Variants in TBC1D2B observed in about 807,000 individuals in gnomAD.
The protein encoded by TBC1D2B is TBC1 domain family, member 2B.
In TBC1D2B, 64 loss-of-function variants were observed where a neutral mutation model predicts 100.8. The observed-to-expected ratio is 0.64, with a 90% CI of 0.52 to 0.78. The LOEUF (loss-of-function observed/expected upper bound fraction) is 0.78, where lower values mean the gene tolerates loss of function less well. Ranked by LOEUF, TBC1D2B falls within the 30% of genes least tolerant of loss-of-function variation. The pLI is 0.00. For missense variants in TBC1D2B, 1,052 were observed against 1,218.4 expected (o/e 0.86, Z 2.03); for synonymous variants, 480 against 479.7 (o/e 1.00, Z -0.01).
At position 78,050,232 on chromosome 15, in the gene TBC1D2B, A is replaced by T. The variant is rs190951383; in HGVS notation, c.514+3802T>A. ...CCATCCCCTTGCACACAAGCTGTTA[A>T]AAGTGTAACAGTTCAACTAACCAAT... On this transcript the variant is annotated intron_variant, in intron 2 of 12. Coordinates refer to ENST00000300584, the MANE Select transcript of TBC1D2B (RefSeq NM_144572.2). Among the ~76,000 whole-genome samples, 96 of 152,262 alleles carry T rather than the reference A, an allele frequency of 6.3e-4. 1 individual carries two copies. The highest frequency in any genetic ancestry group is 5.9e-4 in the Admixed American group (9 of 15,296).
At chr15:78,014,440 C>A (rs1335922401) in intron 8 of TBC1D2B, among the ~76,000 whole-genome samples, 2 of 152,214 alleles carry the variant, frequency 1.3e-5, no homozygotes, top group East Asian at 3.9e-4. Context: ...TTCCAGTCTG[C>A]ACCCTAGAGA....
In TBC1D2B at chr15:78,056,501, G is replaced by A. The variant is rs140544616; in HGVS notation, c.361-2314C>T. The stretch of plus-strand genomic sequence containing the variant: ...AGCCCACTTGGGAGATCCATGAATT[G>A]CAGCCTGGAGTTTGGGAGGCAGGCT... On this transcript the variant is annotated intron_variant, in intron 1 of 12. Coordinates refer to ENST00000300584, the MANE Select transcript of TBC1D2B (RefSeq NM_144572.2). 4.2e-3 allele frequency among the ~76,000 whole-genome samples: 642 copies of A among 152,318 alleles called. 1 individual carries two copies. The highest frequency in any genetic ancestry group is 6.8e-3 in the Non-Finnish European group (463 of 68,022).
chr15:78,041,294 A>T (rs1268125868), intron 3 of TBC1D2B, among the ~76,000 whole-genome samples: 8 of 152,248 alleles, frequency 5.3e-5, no homozygotes, highest in Admixed American at 4.6e-4. Context: ...TAATAAGTAC[A>T]ACGGGCATTA....
chr15:78,004,197 C>T (rs1297228694), intron 10 of TBC1D2B, among the ~76,000 whole-genome samples: 7 of 152,208 alleles, frequency 4.6e-5, no homozygotes, highest in South Asian at 2.1e-4. Context: ...GTGTCAGGCA[C>T]GGGGCCAGTG....
intron 1 of TBC1D2B, among the ~76,000 whole-genome samples, chr15:78,075,226 G>C (rs1156588517): frequency 6.6e-6 from 1 of 151,702 alleles, no homozygotes; most frequent in African/African-American, 2.4e-5. Flanking sequence ...TTGAGATGGA[G>C]TCTCACTCTG....
At chr15:78,027,929 C>T (rs2072713120) in intron 4 of TBC1D2B, among the ~76,000 whole-genome samples, 1 of 152,160 alleles carries the variant, frequency 6.6e-6, no homozygotes, top group Admixed American at 6.5e-5. Flanking sequence ...TCACACTGGG[C>T]CAGTGGGTTC....
rs761282002 is a variant in TBC1D2B at position 78,024,202 on chromosome 15, G to A, written c.1424C>T (p.Ser475Leu). Residue 475 changes from serine to leucine, a missense_variant, in exon 6 of 13, where the codon TCG (serine) becomes TTG (leucine). Coordinates refer to ENST00000300584, the MANE Select transcript of TBC1D2B (RefSeq NM_144572.2). ...CTGGTCCCTGGCAACAGGCACAACC[G>A]AAGGGGAGCTGGGCGCCACGGTGGG... is the stretch of plus-strand genomic sequence containing the variant. Reference protein sequence around the residue: ...PPPTVAPSSPSVVPVARDQLE... With the variant: ...PPPTVAPSSPLVVPVARDQLE... 9 of 1,613,770 alleles carry A rather than the reference G, an allele frequency of 5.6e-6. No homozygotes were observed. Among genetic ancestry groups the A allele is most frequent in the African/African-American group, 2.7e-5 (2 of 75,068 alleles).
At chr15:78,003,213 G>A in intron 11 of TBC1D2B, 92 bp downstream of exon 11, 1 of 1,175,956 alleles carries the variant, frequency 8.5e-7, no homozygotes, top group South Asian at 1.4e-5. Flanking sequence ...ACCCTCATAA[G>A]TTCCAGGTGA....
intron 9 of TBC1D2B, among the ~76,000 whole-genome samples, chr15:78,011,470 CTT>C (rs201268185): frequency 0.052 from 6,754 of 130,256 alleles, 263 homozygotes; most frequent in African/African-American, 0.12. Context: ...TTATCCATAT[CTT>C]TTTTTTTTTT....
chr15:78,013,547 G>GA (rs958047342), intron 8 of TBC1D2B, among the ~76,000 whole-genome samples: 18 of 151,266 alleles, frequency 1.2e-4, no homozygotes, highest in Admixed American at 1.1e-3. Flanking sequence ...ACTATACAGG[G>GA]AAAAAAAACA....
chr15:78,057,613 T>C (rs2073453671), intron 1 of TBC1D2B, among the ~76,000 whole-genome samples: 1 of 151,976 alleles, frequency 6.6e-6, no homozygotes, highest in Non-Finnish European at 1.5e-5. Context: ...GCCACTGCAC[T>C]CCAGCCTGGG....
At position 78,054,916 on chromosome 15, in the gene TBC1D2B, C is replaced by CA. The variant is rs893202126; in HGVS notation, c.361-730dup. Among the ~76,000 whole-genome samples the CA allele has an allele frequency of 7.9e-5, 12 of 150,956 alleles. No homozygotes were observed. The East Asian group carries it at 9.7e-4, about 12-fold the overall frequency. On this transcript the variant is annotated intron_variant, in intron 1 of 12. Coordinates refer to ENST00000300584, the MANE Select transcript of TBC1D2B (RefSeq NM_144572.2). ...TTATAGAGGTTTTATTCATAATTGCCAAAAAAAATGAGAACTTTGTCTGGA... is the reference window on the plus strand; with the variant it reads ...TTATAGAGGTTTTATTCATAATTGCCAAAAAAAAATGAGAACTTTGTCTGGA...
At chr15:77,999,525 G>A (rs368841990) in intron 12 of TBC1D2B, 10 of 233,608 alleles carry the variant, frequency 4.3e-5, no homozygotes, top group Middle Eastern at 1.7e-3. Flanking sequence ...AGGGGTCCCC[G>A]CGTGTGGATT....
intron 4 of TBC1D2B, among the ~76,000 whole-genome samples, chr15:78,027,398 T>C (rs2072698663): frequency 6.6e-6 from 1 of 152,178 alleles, no homozygotes; most frequent in South Asian, 2.1e-4. Flanking sequence ...TATACATCAA[T>C]AAAAAGTTTA....
chr15:78,031,574 A>AG (rs1555420049), intron 3 of TBC1D2B, among the ~76,000 whole-genome samples: 3 of 147,506 alleles, frequency 2.0e-5, no homozygotes, highest in African/African-American at 7.8e-5. Flanking sequence ...AAAAAAAAAA[A>AG]AGAGAGAGAG....
At chr15:78,064,903 T>C (rs1264087508) in intron 1 of TBC1D2B, among the ~76,000 whole-genome samples, 1 of 152,196 alleles carries the variant, frequency 6.6e-6, no homozygotes, top group East Asian at 1.9e-4. Context: ...CTACTGAACA[T>C]AACAAATTCT....
intron 3 of TBC1D2B, among the ~76,000 whole-genome samples, chr15:78,033,120 G>T (rs2072857924): frequency 6.6e-6 from 1 of 152,136 alleles, no homozygotes; most frequent in African/African-American, 2.4e-5. Flanking sequence ...ATTTGCAAAA[G>T]AAATAAAGGA....
In TBC1D2B at chr15:78,077,386, G is replaced by A; in HGVS notation, c.267C>T (p.Phe89=). Residue 89 remains phenylalanine (F), a synonymous_variant, in exon 1 of 13, where the codon TTC becomes TTT. Coordinates refer to ENST00000300584, the MANE Select transcript of TBC1D2B (RefSeq NM_144572.2). ...CCGCCTCGTCGGGGCCCTGGTAGCTGAAGCAGGCGTCCGCGATGTCCAAGT... is the reference window on the plus strand; with the variant it reads ...CCGCCTCGTCGGGGCCCTGGTAGCTAAAGCAGGCGTCCGCGATGTCCAAGT... ...LGHLDIADAC[F]SYQGPDEAAE... The A allele has an allele frequency of 6.5e-7, 1 of 1,544,264 alleles. No individual in the cohort carries two copies. Among genetic ancestry groups the A allele is most frequent in the Non-Finnish European group, 8.7e-7 (1 of 1,144,718 alleles).
At chr15:78,014,521 G>C (rs1437921011) in intron 8 of TBC1D2B, among the ~76,000 whole-genome samples, 1 of 152,218 alleles carries the variant, frequency 6.6e-6, no homozygotes, top group African/African-American at 2.4e-5. Flanking sequence ...AGGAAAAATG[G>C]AAAGAACCTA....
Sources: allele counts gnomAD v4.1 joint callset (sites outside exome capture counted in the v4.1 genomes callset), GRCh38; gene constraint gnomAD v4.1.1; transcripts MANE v1.5; gene names NCBI Gene and HGNC (gene_info 2026-07-23, HGNC 2026-07-21).